CAB39: variants seen among roughly 807,000 people sequenced by gnomAD.
CAB39 encodes calcium-binding protein 39.
A neutral mutation model predicts 40.0 loss-of-function variants in CAB39; 8 were observed. The observed-to-expected ratio is 0.20, with a 90% CI of 0.12 to 0.36. CAB39 has a LOEUF of 0.36. Among genes scored for constraint, CAB39 ranks in the 10% least tolerant of loss-of-function variants. The pLI, the probability that CAB39 is intolerant of heterozygous loss-of-function variation, is 1.00. For synonymous variants in CAB39, 156 were observed against 141.6 expected, an observed-to-expected ratio of 1.10 and a Z score of -0.72; for missense variants, 270 against 401.1, an observed-to-expected ratio of 0.67 and a Z score of 2.79.
At chr2:230,816,712 G>T (rs746238620) in intron 7 of CAB39, among the ~76,000 whole-genome samples, 3 of 152,188 alleles carry the variant, frequency 2.0e-5, no homozygotes, top group East Asian at 1.9e-4. Context: ...GCAGATACAG[G>T]CCTGATACGT....
In CAB39 at chr2:230,741,728, G is replaced by A. The variant is rs181185133; in HGVS notation, c.-43-18231G>A. ...TTTTAAAATATCCTCAAATCTTAGA[G>A]CTATAATTTTGAACAATATATCAAA... On this transcript the variant is annotated intron_variant, in intron 1 of 8. Coordinates refer to ENST00000258418, the MANE Select transcript of CAB39 (RefSeq NM_016289.4). Among the ~76,000 whole-genome samples, 177 of 152,172 alleles carry A rather than the reference G, an allele frequency of 1.2e-3. 2 individuals are homozygous for A. The highest frequency in any genetic ancestry group is 3.4e-3 in the Middle Eastern group (1 of 294).
At chr2:230,807,334 C>T (rs1177286723) in intron 5 of CAB39, among the ~76,000 whole-genome samples, 1 of 152,088 alleles carries the variant, frequency 6.6e-6, no homozygotes, top group Non-Finnish European at 1.5e-5. Context: ...CTCATCTCCT[C>T]CTTTTCCCAG....
In CAB39 at chr2:230,818,698, A is replaced by C. The variant is rs528006017; in HGVS notation, c.1020A>C (p.Glu340Asp). The C allele has an allele frequency of 6.2e-7, 1 of 1,612,574 alleles. No individual in the cohort carries two copies. The highest frequency in any genetic ancestry group is 1.7e-5 in the Admixed American group (1 of 59,838). ...ATTTGAAGAGACCAGCTCAGCAAGA[A>C]GCTTAATCTCCAATAAACATCTATG... ...IRDLKRPAQQ[E>D]A The change falls in exon 9 of 9, where the codon GAA (glutamate) becomes GAC (aspartate). Residue 340 changes from glutamate to aspartate, a missense_variant. Physicochemically the swap from Glu to Asp is conservative, Grantham distance 45 (BLOSUM62 2). Coordinates refer to ENST00000258418, the MANE Select transcript of CAB39 (RefSeq NM_016289.4).
chr2:230,816,695 C>A (rs1247269197), intron 7 of CAB39, among the ~76,000 whole-genome samples: 3 of 152,254 alleles, frequency 2.0e-5, no homozygotes, highest in Non-Finnish European at 4.4e-5. Flanking sequence ...CACTCACTCA[C>A]ATCTCTGCAG....
intron 1 of CAB39, among the ~76,000 whole-genome samples, chr2:230,736,955 G>T (rs1406531137): frequency 1.3e-5 from 2 of 152,122 alleles, no homozygotes; most frequent in Non-Finnish European, 2.9e-5. Flanking sequence ...AGGTTAGAGT[G>T]TCTGGTAGCT....
intron 2 of CAB39, among the ~76,000 whole-genome samples, chr2:230,784,184 G>GTTGAAGATGACTCC (rs1437552149): frequency 1.3e-5 from 2 of 152,140 alleles, no homozygotes; most frequent in Admixed American, 6.5e-5. Flanking sequence ...AGAGGGGAGA[G>GTTGAAGATGACTCC]TTGAAGATGA....
At position 230,810,243 on chromosome 2, in the gene CAB39, A is replaced by T. The variant is rs746126852; in HGVS notation, c.568-20A>T. On this transcript the variant is annotated intron_variant, in intron 5 of 8. Transcript: ENST00000258418. ...AAAACTTGGAGAACAACTGTAAACAATTTTTTTTTCTTTTTGTAGGATTTA... is the reference window on the plus strand; with the variant it reads ...AAAACTTGGAGAACAACTGTAAACATTTTTTTTTTCTTTTTGTAGGATTTA... 9.5e-6 allele frequency: 12 copies of T among 1,263,456 alleles called. No homozygotes were observed. Among genetic ancestry groups the T allele is most frequent in the Non-Finnish European group, 1.2e-5 (11 of 899,260 alleles). 78.3% of individuals were successfully genotyped at this position (1,263,456 alleles called of 1,614,324 possible). A position where few individuals can be genotyped will look rare whatever the true frequency, so the allele number is the denominator to read the frequency against.
At chr2:230,799,095 G>C (rs1340895109) in intron 5 of CAB39, 198 bp downstream of exon 5, 1 of 480,472 alleles carries the variant, frequency 2.1e-6, no homozygotes, top group African/African-American at 2.0e-5. Flanking sequence ...AGATTCTAAA[G>C]TCTATCTAAA....
At chr2:230,743,407 T>C (rs1307124802) in intron 1 of CAB39, among the ~76,000 whole-genome samples, 1 of 152,226 alleles carries the variant, frequency 6.6e-6, no homozygotes, top group African/African-American at 2.4e-5. Flanking sequence ...GACCCCCTAC[T>C]GACTCCAGAA....
At position 230,798,816 on chromosome 2, in the gene CAB39, G is replaced by T; in HGVS notation, c.486G>T (p.Trp162Cys). The T allele has an allele frequency of 6.2e-7, 1 of 1,611,126 alleles. No homozygotes were observed. Among genetic ancestry groups the T allele is most frequent in the Non-Finnish European group, 8.5e-7 (1 of 1,178,478 alleles). Reference protein sequence around the residue: ...RHEPLAKIILWSEQFYDFFRY... With the variant: ...RHEPLAKIILCSEQFYDFFRY... ...AACCACTTGCAAAAATCATTTTGTG[G>T]TCGGAACAGTTTTATGATTTCTTCA... is the stretch of plus-strand genomic sequence containing the variant. The change falls in exon 5 of 9, where the codon TGG becomes TGT. Residue 162 changes from tryptophan (W) to cysteine (C), a missense_variant. Coordinates refer to ENST00000258418, the MANE Select transcript of CAB39 (RefSeq NM_016289.4).
chr2:230,736,235 G>C (rs1694786767), intron 1 of CAB39, among the ~76,000 whole-genome samples: 2 of 152,264 alleles, frequency 1.3e-5, no homozygotes, highest in South Asian at 4.1e-4. Flanking sequence ...ATATTGACAT[G>C]CTAGATCTTA....
At chr2:230,732,441 T>C (rs979104905) in intron 1 of CAB39, among the ~76,000 whole-genome samples, 4 of 152,172 alleles carry the variant, frequency 2.6e-5, no homozygotes, top group African/African-American at 9.7e-5. Flanking sequence ...TTAAGACCCC[T>C]TACTTGGGTT....
intron 1 of CAB39, among the ~76,000 whole-genome samples, chr2:230,730,618 A>G (rs925614045): frequency 1.3e-5 from 2 of 151,786 alleles, no homozygotes; most frequent in Non-Finnish European, 2.9e-5. Flanking sequence ...TAATTTTTGT[A>G]TTTTTAGTAG....
intron 1 of CAB39, among the ~76,000 whole-genome samples, chr2:230,731,122 C>T (rs975448442): frequency 1.3e-5 from 2 of 152,190 alleles, no homozygotes; most frequent in African/African-American, 4.8e-5. Flanking sequence ...AAGCATGCTG[C>T]CTTTCAAGCA....
intron 1 of CAB39, among the ~76,000 whole-genome samples, chr2:230,743,791 A>C (rs965964353): frequency 6.6e-5 from 10 of 152,184 alleles, no homozygotes; most frequent in Non-Finnish European, 1.2e-4. Flanking sequence ...AGGGCAAAAA[A>C]CAAATATTAA....
At chr2:230,788,217 T>G (rs1695828378) in intron 2 of CAB39, among the ~76,000 whole-genome samples, 1 of 151,898 alleles carries the variant, frequency 6.6e-6, no homozygotes, top group African/African-American at 2.4e-5. Context: ...GTTGGTTTAT[T>G]AGCTATAAAT....
chr2:230,714,745 T>C (rs73995131), intron 1 of CAB39, among the ~76,000 whole-genome samples: 3,055 of 152,336 alleles, frequency 0.02, 98 homozygotes, highest in African/African-American at 0.069. Context: ...ATGAAATCTT[T>C]ATAGTAGAGC....
intron 6 of CAB39, among the ~76,000 whole-genome samples, chr2:230,812,275 T>G (rs898544935): frequency 5.3e-5 from 8 of 152,210 alleles, no homozygotes; most frequent in Non-Finnish European, 1.2e-4. Context: ...GGACAGTCAT[T>G]GCCGTGGCAT....
chr2:230,784,751 G>T (rs150567030), intron 2 of CAB39, among the ~76,000 whole-genome samples: 1 of 152,240 alleles, frequency 6.6e-6, no homozygotes, highest in East Asian at 1.9e-4. Context: ...GAATTAACGC[G>T]GGAAGAAATG....
Sources: allele counts gnomAD v4.1 joint callset (sites outside exome capture counted in the v4.1 genomes callset), GRCh38; gene constraint gnomAD v4.1.1; transcripts MANE v1.5; gene names NCBI Gene and HGNC (gene_info 2026-07-23, HGNC 2026-07-21).